COPS6: variants seen among roughly 807,000 people sequenced by gnomAD.
COPS6 encodes the protein COP9 signalosome subunit 6.
Under a neutral mutation model 41.0 loss-of-function variants are expected in COPS6, and 9 were observed. The ratio of observed to expected loss-of-function variants is 0.22; its 90% CI spans 0.13 to 0.38. COPS6 has a LOEUF of 0.38. COPS6 is among the 10% of genes least tolerant of loss of function. The probability of loss-of-function intolerance (pLI) is 1.00; values close to 1 mark genes in which losing one functional copy is unlikely to be tolerated. For missense variants in COPS6, 302 were observed against 436.7 expected, an observed-to-expected ratio of 0.69 and a Z score of 2.75; for synonymous variants, 179 against 162.9, an observed-to-expected ratio of 1.10 and a Z score of -0.75.
chr7:100,091,088 G>A lies in COPS6; in HGVS notation c.585G>A (p.Ala195=), dbSNP rs377111966. 14 of 1,614,254 alleles carry A rather than the reference G, an allele frequency of 8.7e-6. No homozygotes were observed. Among genetic ancestry groups the A allele is most frequent in the South Asian group, 2.2e-5 (2 of 91,090 alleles). Residue 195 remains alanine, a synonymous_variant, in exon 7 of 10, where the codon GCG becomes GCA. Coordinates refer to ENST00000303904, the MANE Select transcript of COPS6 (RefSeq NM_006833.5). The surrounding 1 kb of genome is among the most constrained non-coding windows in gnomAD (Gnocchi z 4.1). ...CCTACACTCTGGCCACAGAGGAAGCGGAACGCATTGGTGTAGACCACGTAG... is the reference window on the plus strand; with the variant it reads ...CCTACACTCTGGCCACAGAGGAAGCAGAACGCATTGGTGTAGACCACGTAG... The part of the protein sequence containing the change: ...ELTYTLATEE[A]ERIGVDHVAR...
At position 100,091,520 on chromosome 7, in the gene COPS6, T is replaced by A. The variant is rs767362885; in HGVS notation, c.843T>A (p.Asp281Glu). Residue 281 changes from aspartate (D) to glutamate (E), a missense_variant and splice_region_variant, in exon 9 of 10, where the codon GAT becomes GAA. Asp to Glu is a conservative substitution (Grantham distance 45, BLOSUM62 2). Transcript: ENST00000303904. This position sits in a 1 kb window ranked among gnomAD's most constrained non-coding sequence, Gnocchi z 4.1. ...ACAAGTTCAAGACAGATTTTTATGA[T>A]GTGAGTGTAAAACCCGGATGGGGAG... ...STDKFKTDFY[D>E]QCNDVGLMAY... is the part of the protein sequence containing the mutation. The A allele has an allele frequency of 6.2e-7, 1 of 1,614,112 alleles. No homozygotes were observed. Among genetic ancestry groups the A allele is most frequent in the South Asian group, 1.1e-5 (1 of 91,080 alleles).
In COPS6 at chr7:100,091,115, C is replaced by G. The variant is rs774366553; in HGVS notation, c.612C>G (p.Ala204=). 6.2e-7 allele frequency: 1 copy of G among 1,614,154 alleles called. No homozygotes were observed. Among genetic ancestry groups the G allele is most frequent in the East Asian group, 2.2e-5 (1 of 44,882 alleles). The stretch of plus-strand genomic sequence containing the variant: ...AACGCATTGGTGTAGACCACGTAGC[C>G]CGAATGACAGCAACAGGCAGTGGAG... The part of the protein sequence containing the change: ...EAERIGVDHV[A]RMTATGSGEN... The change falls in exon 7 of 10, where the codon GCC becomes GCG. Residue 204 remains alanine, a synonymous_variant. Coordinates refer to ENST00000303904, the MANE Select transcript of COPS6 (RefSeq NM_006833.5). The surrounding 1 kb of genome is among the most constrained non-coding windows in gnomAD (Gnocchi z 4.1).
At chr7:100,089,847 C>A in intron 3 of COPS6, 101 bp downstream of exon 3, 2 of 1,166,602 alleles carry the variant, frequency 1.7e-6, no homozygotes, top group Non-Finnish European at 2.4e-6. Context: ...GAGAGGAGAC[C>A]AAGAACAGGG....
chr7:100,090,498 T>G lies in COPS6; in HGVS notation c.423+11T>G. ...CACGTCCATAAGCAGGTATGCATGCTCACACCTGTGCATGCTGGGGCAGAG... is the reference window on the plus strand; with the variant it reads ...CACGTCCATAAGCAGGTATGCATGCGCACACCTGTGCATGCTGGGGCAGAG... On this transcript the variant is annotated intron_variant, in intron 4 of 9. Transcript: ENST00000303904. The G allele has an allele frequency of 6.2e-7, 1 of 1,610,292 alleles. No homozygotes were observed. The highest frequency in any genetic ancestry group is 8.5e-7 in the Non-Finnish European group (1 of 1,176,538).
In COPS6 at chr7:100,089,607, T is replaced by G; in HGVS notation, c.203-8T>G. On this transcript the variant is annotated splice_polypyrimidine_tract_variant and splice_region_variant and intron_variant, in intron 2 of 9. Transcript: ENST00000303904. Reference sequence around the variant, plus strand: ...CCCTCACCTTTTCCATGTCATTCTCTTTCCCAGTGATTGGGGCTCTGATTG... The same window carrying G: ...CCCTCACCTTTTCCATGTCATTCTCGTTCCCAGTGATTGGGGCTCTGATTG... The G allele has an allele frequency of 6.2e-7, 1 of 1,612,120 alleles. No individual in the cohort carries two copies. The highest frequency in any genetic ancestry group is 8.5e-7 in the Non-Finnish European group (1 of 1,179,128).
At chr7:100,089,919 CAAAA>C in intron 3 of COPS6, 173 bp downstream of exon 3, 3 of 613,698 alleles carry the variant, frequency 4.9e-6, no homozygotes, top group Non-Finnish European at 5.5e-6. Flanking sequence ...AGTTCTTTCT[CAAAA>C]GAAAGCAAAG....
chr7:100,090,785 T>C, intron 5 of COPS6, 117 bp from the exon 6 acceptor site: 7 of 1,457,220 alleles, frequency 4.8e-6, no homozygotes, highest in Non-Finnish European at 5.8e-6. Context: ...ATCTCCAAAC[T>C]GTGAAAGGAG....
rs747418222 is a variant in COPS6 at position 100,090,937 on chromosome 7, A to C, written c.522A>C (p.Ile174=). 6.2e-7 allele frequency: 1 copy of C among 1,613,880 alleles called. No homozygotes were observed. The highest frequency in any genetic ancestry group is 8.5e-7 in the Non-Finnish European group (1 of 1,179,774). The change falls in exon 6 of 10, where the codon ATA becomes ATC. Residue 174 remains isoleucine, a synonymous_variant. Transcript: ENST00000303904. ...GCGTTTTTGAGTCTGTCATTGATAT[A>C]ATCAATGGAGAGGTAATACCCTACC... ...PVSVFESVID[I]INGEATMLFA... is the part of the protein sequence containing the mutation.
intron 6 of COPS6, 37 bp downstream of exon 6, chr7:100,090,986 T>A: frequency 1.9e-6 from 3 of 1,614,000 alleles, no homozygotes; most frequent in Non-Finnish European, 2.5e-6. Context: ...ATCCTGCTCT[T>A]GGCCTCTTTC....
chr7:100,090,371 C>T, intron 3 of COPS6, 28 bp from the exon 4 acceptor site: 2 of 1,416,038 alleles, frequency 1.4e-6, no homozygotes, highest in Non-Finnish European at 2.0e-6. Flanking sequence ...AAAAGAATTA[C>T]TATATGTTCT....
In COPS6 at chr7:100,089,690, C is replaced by G; in HGVS notation, c.278C>G (p.Thr93Ser). The change falls in exon 3 of 10, where the codon ACC becomes AGC. Residue 93 changes from threonine to serine, a missense_variant. By Grantham distance (58) the Thr-to-Ser change is moderately conservative. Coordinates refer to ENST00000303904, the MANE Select transcript of COPS6 (RefSeq NM_006833.5). ...AACTCCTTTGAGCTGCTGTCCCACA[C>G]CGTGGAAGAGAAGATTATCATTGAC... is the stretch of plus-strand genomic sequence containing the variant. ...VMNSFELLSH[T>S]VEEKIIIDKE... The G allele has an allele frequency of 3.7e-6, 6 of 1,613,694 alleles. No individual in the cohort carries two copies. Among genetic ancestry groups the G allele is most frequent in the South Asian group, 1.1e-5 (1 of 91,064 alleles).
In COPS6 at chr7:100,091,662, TG is replaced by T; in HGVS notation, c.861del (p.Leu288SerfsTer15). The T allele has an allele frequency of 1.2e-6, 2 of 1,614,228 alleles. No homozygotes were observed. The highest frequency in any genetic ancestry group is 1.7e-6 in the Non-Finnish European group (2 of 1,180,044). On this transcript the variant is annotated frameshift_variant, in exon 10 of 10. Coordinates refer to ENST00000303904, the MANE Select transcript of COPS6 (RefSeq NM_006833.5). LOFTEE classifies it high-confidence loss of function. The surrounding 1 kb of genome is among the most constrained non-coding windows in gnomAD (Gnocchi z 4.1). ...GTTCCCTCCCAGCAATGCAACGACG[TG>T]GGGCTCATGGCCTACCTCGGCACCA... ...KTDFYDQCND[V>X]GLMAYLGTIT...
chr7:100,090,024 G>C, intron 3 of COPS6: 1 of 447,774 alleles, frequency 2.2e-6, no homozygotes, highest in Non-Finnish European at 4.0e-6. Context: ...AATACACCAG[G>C]AGCTTCACAT....
chr7:100,090,463 C>G lies in COPS6; in HGVS notation c.399C>G (p.Pro133=). The G allele has an allele frequency of 6.2e-7, 1 of 1,614,122 alleles. No homozygotes were observed. Among genetic ancestry groups the G allele is most frequent in the East Asian group, 2.2e-5 (1 of 44,894 alleles). Residue 133 remains proline (P), a synonymous_variant, in exon 4 of 10, where the codon CCC becomes CCG. Transcript: ENST00000303904. ...GWYTTGGPPD[P]SDIHVHKQVC... ...ATACCACAGGGGGGCCACCTGACCC[C>G]TCGGACATCCACGTCCATAAGCAGG...
intron 1 of COPS6, 74 bp from the exon 2 acceptor site, chr7:100,089,216 G>A: frequency 6.5e-7 from 1 of 1,544,718 alleles, no homozygotes; most frequent in South Asian, 1.2e-5. Context: ...GGGCTCCGCC[G>A]TCCCCCACTG....
chr7:100,089,368 C>G lies in COPS6; in HGVS notation c.155C>G (p.Ser52Ter). 1 of 1,614,114 alleles carries G rather than the reference C, an allele frequency of 6.2e-7. No homozygotes were observed. The highest frequency in any genetic ancestry group is 8.5e-7 in the Non-Finnish European group (1 of 1,180,020). Residue 52 changes from serine to a stop codon, truncating the protein, a stop_gained, in exon 2 of 10, where the codon TCA becomes TGA. Transcript: ENST00000303904. LOFTEE classifies it high-confidence loss of function. The stretch of plus-strand genomic sequence containing the variant: ...CATCCCCTTGTCATTCTCAACATCT[C>G]AGACCACTGGATCCGCATGCGCTCC... Reference protein sequence around the residue: ...ALHPLVILNISDHWIRMRSQE... With the variant: ...ALHPLVILNI
chr7:100,089,802 G>A (rs1310159840), intron 3 of COPS6, 56 bp downstream of exon 3: 6 of 1,563,880 alleles, frequency 3.8e-6, no homozygotes, highest in Non-Finnish European at 5.2e-6. Flanking sequence ...AAAATGTACA[G>A]GGTGGGGAAG....
In COPS6 at chr7:100,089,956, G is replaced by A. The variant is rs1395801259; in HGVS notation, c.334+210G>A. On this transcript the variant is annotated intron_variant, in intron 3 of 9. Coordinates refer to ENST00000303904, the MANE Select transcript of COPS6 (RefSeq NM_006833.5). The stretch of plus-strand genomic sequence containing the variant: ...AAGGATGAGAGGAGACAGGATAGAA[G>A]GGAGTAGTTATTCTAAACTGAGCCA... The A allele has an allele frequency of 1.5e-5, 8 of 534,148 alleles. No homozygotes were observed. The East Asian group carries it at 2.3e-4, about 15-fold the overall frequency. The allele number at this position is 534,148 out of a possible 1,614,324, so 33.1% of individuals were successfully genotyped here. A position where few individuals can be genotyped will look rare whatever the true frequency, so the allele number is the denominator to read the frequency against.
intron 5 of COPS6, 86 bp downstream of exon 5, chr7:100,090,740 C>G (rs1290471923): frequency 6.8e-7 from 1 of 1,471,462 alleles, no homozygotes. Flanking sequence ...ATGCCAGATG[C>G]CACTTACCAG....
Sources: allele counts gnomAD v4.1 joint callset, GRCh38; gene constraint gnomAD v4.1.1; non-coding constraint Gnocchi (gnomAD v3.1); transcripts MANE v1.5; gene names NCBI Gene and HGNC (gene_info 2026-07-23, HGNC 2026-07-21).